The following MDGA2 variants were observed in gnomAD, a reference collection of about 807,000 sequenced individuals.
MDGA2 encodes the protein MAM domain containing glycosylphosphatidylinositol anchor 2.
Under a neutral mutation model 117.8 loss-of-function variants are expected in MDGA2, and 40 were observed. The observed-to-expected ratio is 0.34, with a 90% CI of 0.26 to 0.44. The LOEUF is 0.44. Ranked by LOEUF, MDGA2 falls within the 20% of genes least tolerant of loss-of-function variation. The pLI is 1.00. For missense variants in MDGA2, 1,123 were observed against 1,250.6 expected, an observed-to-expected ratio of 0.90 and a Z score of 1.54; for synonymous variants, 452 against 439.0, an observed-to-expected ratio of 1.03 and a Z score of -0.37.
chr14:47,049,082 C>T (rs1179871917), intron 7 of MDGA2, among the ~76,000 whole-genome samples: 1 of 152,016 alleles, frequency 6.6e-6, no homozygotes, highest in Non-Finnish European at 1.5e-5. Flanking sequence ...TAAATGTCAA[C>T]TATATCTATT....
chr14:47,437,449 C>A (rs1367081708), intron 1 of MDGA2, among the ~76,000 whole-genome samples: 28 of 152,060 alleles, frequency 1.8e-4, no homozygotes, highest in Admixed American at 1.8e-3. Flanking sequence ...TTGTTCCATG[C>A]TGCTTATATG....
At chr14:47,218,881 A>G (rs1886197584) in intron 2 of MDGA2, among the ~76,000 whole-genome samples, 1 of 152,088 alleles carries the variant, frequency 6.6e-6, no homozygotes, top group Non-Finnish European at 1.5e-5. Context: ...TTGAATATCT[A>G]AAACATTTCA....
Position 47,674,891 on chromosome 14 carries a change from G to T in MDGA2, c.-95C>A. 1 of 542,656 alleles carries T rather than the reference G, an allele frequency of 1.8e-6. No homozygotes were observed. Among genetic ancestry groups the T allele is most frequent in the South Asian group, 2.4e-5 (1 of 41,948 alleles). The allele number at this position is 542,656 out of a possible 1,614,324, so 33.6% of individuals were successfully genotyped here. ...CGCCGCACTCACACCGGGTGCCTGG[G>T]AAAATCGCAGACGCCGGGGAGGAGC... On this transcript the variant is annotated 5_prime_UTR_variant, in exon 1 of 17. Coordinates refer to ENST00000399232, the MANE Select transcript of MDGA2 (RefSeq NM_001113498.3).
intron 1 of MDGA2, among the ~76,000 whole-genome samples, chr14:47,594,139 T>C (rs1028892862): frequency 6.6e-6 from 1 of 152,166 alleles, no homozygotes; most frequent in Non-Finnish European, 1.5e-5. Flanking sequence ...AGTGAAGCAA[T>C]AGTCCTCGTA....
intron 1 of MDGA2, among the ~76,000 whole-genome samples, chr14:47,575,260 C>T (rs948708105): frequency 2.0e-5 from 3 of 152,134 alleles, no homozygotes; most frequent in Admixed American, 1.3e-4. Flanking sequence ...AATCCCAGTA[C>T]TACAGTGAAG....
intron 5 of MDGA2, among the ~76,000 whole-genome samples, chr14:47,111,557 C>T (rs893930696): frequency 6.6e-6 from 1 of 152,106 alleles, no homozygotes; most frequent in Non-Finnish European, 1.5e-5. Context: ...ATTACAAAGC[C>T]TAAATCCTGA....
chr14:47,233,493 A>T (rs563184332), intron 2 of MDGA2, among the ~76,000 whole-genome samples: 6 of 152,206 alleles, frequency 3.9e-5, no homozygotes, highest in African/African-American at 1.2e-4. Flanking sequence ...TAAAAATCCA[A>T]ATTTGTACTT....
At chr14:47,157,463 G>A (rs552079605) in intron 3 of MDGA2, among the ~76,000 whole-genome samples, 65 of 152,200 alleles carry the variant, frequency 4.3e-4, no homozygotes, top group African/African-American at 1.5e-3. Context: ...TAGAGAAAGA[G>A]TTTTTGAACC....
intron 1 of MDGA2, among the ~76,000 whole-genome samples, chr14:47,644,562 G>A (rs1340757297): frequency 2.0e-5 from 3 of 152,090 alleles, no homozygotes; most frequent in Non-Finnish European, 4.4e-5. Context: ...GGGTAGGAAG[G>A]AGAGGGAGAA....
At chr14:47,607,638 G>T (rs932302476) in intron 1 of MDGA2, among the ~76,000 whole-genome samples, 1 of 152,074 alleles carries the variant, frequency 6.6e-6, no homozygotes, top group Non-Finnish European at 1.5e-5. Flanking sequence ...GGGTTAGAGG[G>T]TCCTTGCAAG....
intron 1 of MDGA2, among the ~76,000 whole-genome samples, chr14:47,393,774 T>C (rs1273212457): frequency 6.6e-6 from 1 of 152,170 alleles, no homozygotes; most frequent in African/African-American, 2.4e-5. Flanking sequence ...CATCTTTCAA[T>C]AGTAAGAAAA....
chr14:47,087,938 A>G (rs1189389523), intron 6 of MDGA2, among the ~76,000 whole-genome samples: 1 of 152,050 alleles, frequency 6.6e-6, no homozygotes, highest in African/African-American at 2.4e-5. Flanking sequence ...ATCATTTTTA[A>G]AAGAAAATTG....
intron 10 of MDGA2, among the ~76,000 whole-genome samples, chr14:46,905,056 G>A (rs541739324): frequency 6.6e-6 from 1 of 152,254 alleles, no homozygotes; most frequent in African/African-American, 2.4e-5. Flanking sequence ...ATTCAAACCA[G>A]ACAACCAGGC....
intron 3 of MDGA2, among the ~76,000 whole-genome samples, chr14:47,160,509 T>G (rs765455545): frequency 6.6e-6 from 1 of 151,964 alleles, no homozygotes; most frequent in Non-Finnish European, 1.5e-5. Context: ...CTACAAAAAC[T>G]AAAAATTAGC....
At chr14:47,074,229 C>A (rs1890404609) in intron 6 of MDGA2, among the ~76,000 whole-genome samples, 1 of 152,070 alleles carries the variant, frequency 6.6e-6, no homozygotes, top group Non-Finnish European at 1.5e-5. Context: ...TTTTATTTCT[C>A]ACTCTCAAGA....
chr14:46,989,040 C>T (rs993812612), intron 8 of MDGA2, among the ~76,000 whole-genome samples: 2 of 152,090 alleles, frequency 1.3e-5, no homozygotes, highest in East Asian at 3.9e-4. Flanking sequence ...TCTACATAAA[C>T]AAACCAAGTC....
chr14:47,064,621 C>G (rs1270309550), intron 6 of MDGA2, among the ~76,000 whole-genome samples: 3 of 152,028 alleles, frequency 2.0e-5, no homozygotes, highest in African/African-American at 7.2e-5. Context: ...GATGGGCAAT[C>G]TAATTTTTAT....
chr14:47,396,240 T>C (rs937266765), intron 1 of MDGA2, among the ~76,000 whole-genome samples: 11 of 152,196 alleles, frequency 7.2e-5, no homozygotes, highest in Admixed American at 3.3e-4. Flanking sequence ...TATAGTCACA[T>C]TTGTACTTCT....
chr14:47,549,043 T>G (rs994347532), intron 1 of MDGA2, among the ~76,000 whole-genome samples: 1 of 152,170 alleles, frequency 6.6e-6, no homozygotes, highest in Non-Finnish European at 1.5e-5. Context: ...TTCAGGGATC[T>G]GCCAGACAGG....
Sources: allele counts gnomAD v4.1 joint callset (sites outside exome capture counted in the v4.1 genomes callset), GRCh38; gene constraint gnomAD v4.1.1; transcripts MANE v1.5; gene names NCBI Gene and HGNC (gene_info 2026-07-23, HGNC 2026-07-21).